The following SLC6A2 variants were observed in gnomAD, a reference collection of about 807,000 sequenced individuals.
SLC6A2 encodes solute carrier family 6 member 2.
A neutral mutation model predicts 71.7 loss-of-function variants in SLC6A2; 26 were observed. The observed-to-expected ratio is 0.36, with a 90% CI of 0.27 to 0.50. SLC6A2 has a LOEUF of 0.50. SLC6A2 is among the 20% of genes least tolerant of loss of function. The pLI is 0.96. For missense variants in SLC6A2, 581 were observed against 803.9 expected (o/e 0.72, Z 3.35); for synonymous variants, 363 against 337.9 (o/e 1.07, Z -0.82).
chr16:55,702,349 C>T lies in SLC6A2; in HGVS notation c.*3C>T. 1.2e-6 allele frequency: 2 copies of T among 1,614,218 alleles called. No homozygotes were observed. Among genetic ancestry groups the T allele is most frequent in the Non-Finnish European group, 1.7e-6 (2 of 1,180,040 alleles). ...TGCAACACTGGCTGGCCATCTGAGC[C>T]TGCCTGGAGGAGAAGGAGGAACCCC... is the stretch of plus-strand genomic sequence containing the variant. On this transcript the variant is annotated 3_prime_UTR_variant, in exon 15 of 15. Coordinates refer to ENST00000568943, the MANE Select transcript of SLC6A2 (RefSeq NM_001172501.3).
intron 6 of SLC6A2, among the ~76,000 whole-genome samples, chr16:55,693,346 G>A (rs1222994802): frequency 1.3e-5 from 2 of 150,264 alleles, no homozygotes; most frequent in African/African-American, 2.5e-5. Flanking sequence ...CTCCAGCCTG[G>A]GTGACAGAGT....
chr16:55,669,523 G>C (rs373769546), intron 2 of SLC6A2, 42 bp from the exon 3 acceptor site: 7 of 1,612,056 alleles, frequency 4.3e-6, no homozygotes, highest in Middle Eastern at 1.8e-4. Context: ...ACTGGGAGGG[G>C]CAGGGGTCTG....
In SLC6A2 at chr16:55,669,586, C is replaced by T. The variant is rs1805065; in HGVS notation, c.296C>T (p.Thr99Ile). The T allele has an allele frequency of 0.017, 26,777 of 1,613,980 alleles. 287 individuals are homozygous for T. Among genetic ancestry groups the T allele is most frequent in the Non-Finnish European group, 0.021 (24,194 of 1,179,864 alleles). ...CCAGGTGCCTTCTTGATCCCGTACACACTGTTCCTTATCATCGCGGGGATG... is the reference window on the plus strand; with the variant it reads ...CCAGGTGCCTTCTTGATCCCGTACATACTGTTCCTTATCATCGCGGGGATG... ...NGGGAFLIPY[T>I]LFLIIAGMPL... The change falls in exon 3 of 15, where the codon ACA becomes ATA. Residue 99 changes from threonine to isoleucine, a missense_variant. Transcript: ENST00000568943.
chr16:55,682,730 G>A (rs1268569660), intron 4 of SLC6A2, among the ~76,000 whole-genome samples: 1 of 152,208 alleles, frequency 6.6e-6, no homozygotes, highest in East Asian at 1.9e-4. Flanking sequence ...TGATTGGGGG[G>A]CCTCCCAGGA....
rs1966015383 is a variant in SLC6A2 at position 55,702,759 on chromosome 16, A to AC, written c.*413_*414insC. On this transcript the variant is annotated 3_prime_UTR_variant, in exon 15 of 15. Transcript: ENST00000568943. ...CAGATACCCCTCCCAAAAAAAAAAA[A>AC]AACTAAAACTAAAGCAAAAATCAAA... 1.9e-6 allele frequency: 2 copies of AC among 1,046,770 alleles called. No homozygotes were observed. The highest frequency in any genetic ancestry group is 2.3e-6 in the Non-Finnish European group (2 of 870,532). 64.8% of individuals were successfully genotyped at this position (1,046,770 alleles called of 1,614,324 possible). A position where few individuals can be genotyped will look rare whatever the true frequency, so the allele number is the denominator to read the frequency against.
intron 3 of SLC6A2, among the ~76,000 whole-genome samples, chr16:55,670,715 T>G (rs1196049122): frequency 6.6e-6 from 1 of 152,150 alleles, no homozygotes; most frequent in Non-Finnish European, 1.5e-5. Flanking sequence ...CAAAAACCCT[T>G]ATAGAGTCAT....
intron 4 of SLC6A2, among the ~76,000 whole-genome samples, chr16:55,682,441 T>G (rs964382040): frequency 2.0e-5 from 3 of 152,192 alleles, no homozygotes; most frequent in Non-Finnish European, 4.4e-5. Flanking sequence ...CTTGGGGTGA[T>G]CCTGGGATCT....
chr16:55,671,867 C>G (rs1964927879), intron 3 of SLC6A2, 71 bp from the exon 4 acceptor site: 15 of 1,607,320 alleles, frequency 9.3e-6, no homozygotes, highest in Non-Finnish European at 1.2e-5. Context: ...AGTGGTGGAG[C>G]CACACCCAAG....
In SLC6A2 at chr16:55,701,892, C is replaced by T. The variant is rs775168827; in HGVS notation, c.1788C>T (p.Asn596=). The change falls in exon 14 of 15, where the codon AAC becomes AAT. Residue 596 remains asparagine (N), a synonymous_variant. Transcript: ENST00000568943. ...TGGCCTATGGCATCACGCCAGAGAA[C>T]GAGCACCACCTGGTGGCTCAGAGGG... ...ERLAYGITPE[N]EHHLVAQRDI... is the part of the protein sequence containing the mutation. 6 of 1,614,084 alleles carry T rather than the reference C, an allele frequency of 3.7e-6. No homozygotes were observed. Among genetic ancestry groups the T allele is most frequent in the South Asian group, 2.2e-5 (2 of 91,080 alleles).
chr16:55,689,902 C>A (rs1210942827), intron 5 of SLC6A2, among the ~76,000 whole-genome samples: 1 of 152,212 alleles, frequency 6.6e-6, no homozygotes, highest in Non-Finnish European at 1.5e-5. Flanking sequence ...AGGAGGCTTT[C>A]CTGATTCCTT....
Position 55,705,557 on chromosome 16 carries a change from G to T in SLC6A2, c.*3211G>T. On this transcript the variant is annotated 3_prime_UTR_variant, in exon 15 of 15. Coordinates refer to ENST00000568943, the MANE Select transcript of SLC6A2 (RefSeq NM_001172501.3). The stretch of plus-strand genomic sequence containing the variant: ...CTGCAGCTGACTAGCTGGGTGGCCT[G>T]GGGATAGTGGCTTCATCTTTTGGGG... The T allele has an allele frequency of 3.0e-6, 1 of 335,826 alleles. No homozygotes were observed. Among genetic ancestry groups the T allele is most frequent in the Non-Finnish European group, 5.4e-6 (1 of 186,222 alleles). 20.8% of individuals were successfully genotyped at this position (335,826 alleles called of 1,614,324 possible).
At chr16:55,698,241 T>C (rs770477462) in intron 10 of SLC6A2, among the ~76,000 whole-genome samples, 1 of 152,180 alleles carries the variant, frequency 6.6e-6, no homozygotes, top group Non-Finnish European at 1.5e-5. Flanking sequence ...TAATTGCTTA[T>C]TGACTTGAGG....
chr16:55,685,496 G>C (rs1373975218), intron 5 of SLC6A2, among the ~76,000 whole-genome samples: 2 of 152,100 alleles, frequency 1.3e-5, no homozygotes, highest in Admixed American at 1.3e-4. Flanking sequence ...ACAATAGGTT[G>C]AAGGGGTATA....
At chr16:55,694,190 G>T (rs184914015) in intron 7 of SLC6A2, 77 bp downstream of exon 7, 17 of 1,070,840 alleles carry the variant, frequency 1.6e-5, no homozygotes. Context: ...GAGGGCTCTG[G>T]TCTGGAAGCC....
intron 5 of SLC6A2, among the ~76,000 whole-genome samples, 179 bp downstream of exon 5, chr16:55,685,460 C>T (rs1442813914): frequency 2.0e-5 from 3 of 152,158 alleles, no homozygotes; most frequent in Non-Finnish European, 4.4e-5. Flanking sequence ...CCTTTCCTTT[C>T]CCTTCCCCAA....
intron 5 of SLC6A2, among the ~76,000 whole-genome samples, chr16:55,686,545 C>T (rs533993061): frequency 6.6e-6 from 1 of 152,144 alleles, no homozygotes; most frequent in African/African-American, 2.4e-5. Flanking sequence ...CAACAGTCTA[C>T]CTTAATCAGG....
intron 2 of SLC6A2, among the ~76,000 whole-genome samples, chr16:55,659,559 G>A (rs1015413603): frequency 1.3e-5 from 2 of 152,148 alleles, no homozygotes; most frequent in African/African-American, 2.4e-5. Context: ...ACAGGAAAAG[G>A]CACAATGAGG....
intron 4 of SLC6A2, among the ~76,000 whole-genome samples, chr16:55,680,007 A>C (rs1596981953): frequency 6.6e-6 from 1 of 152,210 alleles, no homozygotes; most frequent in Non-Finnish European, 1.5e-5. Flanking sequence ...TACCAGCAGC[A>C]TCTCCCTCCT....
chr16:55,673,851 C>T (rs746768738), intron 4 of SLC6A2, among the ~76,000 whole-genome samples: 6 of 152,162 alleles, frequency 3.9e-5, no homozygotes, highest in Admixed American at 6.5e-5. Context: ...CGTGAGCCAC[C>T]ACCCCAGCTT....
Sources: allele counts gnomAD v4.1 joint callset (sites outside exome capture counted in the v4.1 genomes callset), GRCh38; gene constraint gnomAD v4.1.1; transcripts MANE v1.5; gene names NCBI Gene and HGNC (gene_info 2026-07-23, HGNC 2026-07-21).